Variants in OPCML observed in about 807,000 individuals in gnomAD.
OPCML encodes opioid binding protein/cell adhesion molecule like.
OPCML carries 13 observed loss-of-function variants against 37.8 expected under a neutral mutation model. The ratio of observed to expected loss-of-function variants is 0.34; its 90% CI spans 0.22 to 0.55. The LOEUF is 0.55. Ranked by LOEUF, OPCML falls within the 20% of genes least tolerant of loss-of-function variation. The pLI is 0.91. For missense variants in OPCML, 341 were observed against 435.6 expected (o/e 0.78, Z 1.93); for synonymous variants, 176 against 168.8 (o/e 1.04, Z -0.33).
chr11:133,408,495 A>C (rs1945571840), intron 1 of OPCML, among the ~76,000 whole-genome samples: 1 of 152,214 alleles, frequency 6.6e-6, no homozygotes, highest in Admixed American at 6.5e-5. Flanking sequence ...TTTATTTGAC[A>C]GTAATTTGTA....
At chr11:132,991,098 A>G (rs1379423718) in intron 1 of OPCML, among the ~76,000 whole-genome samples, 1 of 152,220 alleles carries the variant, frequency 6.6e-6, no homozygotes, top group African/African-American at 2.4e-5. Flanking sequence ...TTGCCATAAG[A>G]AAAATGTCTA....
chr11:133,063,169 G>T (rs1449170948), intron 1 of OPCML, among the ~76,000 whole-genome samples: 1 of 152,222 alleles, frequency 6.6e-6, no homozygotes, highest in Non-Finnish European at 1.5e-5. Flanking sequence ...CTTTCTAGGG[G>T]CTCCAGTCTA....
chr11:132,663,100 G>A (rs75458234), intron 2 of OPCML, among the ~76,000 whole-genome samples: 8 of 152,150 alleles, frequency 5.3e-5, no homozygotes, highest in East Asian at 1.9e-4. Context: ...TGTAATATAC[G>A]GATAATACCA....
chr11:132,453,266 C>T (rs570573979), intron 4 of OPCML, among the ~76,000 whole-genome samples: 274 of 152,292 alleles, frequency 1.8e-3, no homozygotes, highest in African/African-American at 6.3e-3. Context: ...GTTAGGAAAG[C>T]TGTACTACAT....
chr11:133,228,168 G>A (rs1940120791), intron 1 of OPCML, among the ~76,000 whole-genome samples: 1 of 152,088 alleles, frequency 6.6e-6, no homozygotes, highest in Admixed American at 6.5e-5. Flanking sequence ...CAGTTCTACC[G>A]TGGCTGCTGC....
chr11:133,019,455 T>C (rs1947408325), intron 1 of OPCML, among the ~76,000 whole-genome samples: 1 of 152,282 alleles, frequency 6.6e-6, no homozygotes, highest in South Asian at 2.1e-4. Context: ...CCACTTGATA[T>C]TTGAATCTAA....
intron 2 of OPCML, among the ~76,000 whole-genome samples, chr11:132,813,173 A>G (rs1167582176): frequency 6.6e-6 from 1 of 152,050 alleles, no homozygotes; most frequent in Non-Finnish European, 1.5e-5. Flanking sequence ...TTATATTTTG[A>G]TGATATCTTC....
At chr11:133,419,034 T>C (rs77305843) in intron 1 of OPCML, among the ~76,000 whole-genome samples, 1,813 of 152,270 alleles carry the variant, frequency 0.012, 33 homozygotes, top group African/African-American at 0.041. Flanking sequence ...AACACTCCTG[T>C]TCCCTAGCCC....
chr11:132,600,836 TA>T (rs1347757354), intron 3 of OPCML, among the ~76,000 whole-genome samples: 3 of 147,304 alleles, frequency 2.0e-5, no homozygotes, highest in Non-Finnish European at 4.5e-5. Flanking sequence ...TTCAAATAGT[TA>T]ACTTTTTTTT....
chr11:132,616,784 A>C (rs1295920899), intron 3 of OPCML, among the ~76,000 whole-genome samples: 2 of 152,244 alleles, frequency 1.3e-5, no homozygotes, highest in East Asian at 3.9e-4. Flanking sequence ...AGATAAAATA[A>C]TGTAAATCAT....
At chr11:132,947,984 C>CT (rs59552639) in intron 1 of OPCML, among the ~76,000 whole-genome samples, 1 of 152,166 alleles carries the variant, frequency 6.6e-6, no homozygotes, top group Non-Finnish European at 1.5e-5. Context: ...AAAGTTTCAG[C>CT]TTTTGGATTT....
At chr11:132,833,041 C>A (rs1377235393) in intron 2 of OPCML, among the ~76,000 whole-genome samples, 3 of 152,158 alleles carry the variant, frequency 2.0e-5, no homozygotes, top group East Asian at 3.9e-4. Flanking sequence ...CCAGTTAGTA[C>A]CGGGGACTTT....
chr11:133,370,081 A>C (rs2136748269), intron 1 of OPCML, among the ~76,000 whole-genome samples: 1 of 152,328 alleles, frequency 6.6e-6, no homozygotes, highest in East Asian at 1.9e-4. Flanking sequence ...ACTGAGACTC[A>C]TTACATCAGG....
At chr11:133,322,609 T>C (rs904343098) in intron 1 of OPCML, among the ~76,000 whole-genome samples, 4 of 152,046 alleles carry the variant, frequency 2.6e-5, no homozygotes, top group Admixed American at 2.6e-4. Context: ...AAAAAAAGAC[T>C]GGGTTTTAGG....
chr11:132,970,598 T>C (rs888976292), intron 1 of OPCML, among the ~76,000 whole-genome samples: 2 of 152,328 alleles, frequency 1.3e-5, no homozygotes, highest in African/African-American at 4.8e-5. Context: ...TTACTTTTTT[T>C]CCAGCTATGA....
intron 2 of OPCML, among the ~76,000 whole-genome samples, chr11:132,897,174 G>T (rs1943882441): frequency 6.6e-6 from 1 of 152,192 alleles, no homozygotes; most frequent in African/African-American, 2.4e-5. Context: ...ATGCTGTTTG[G>T]AGCTTTTGGC....
At chr11:132,460,943 T>A (rs550213560) in intron 4 of OPCML, among the ~76,000 whole-genome samples, 1 of 152,280 alleles carries the variant, frequency 6.6e-6, no homozygotes, top group East Asian at 1.9e-4. Context: ...ATATGATGGA[T>A]AAACAAAGCA....
intron 4 of OPCML, among the ~76,000 whole-genome samples, chr11:132,478,532 CA>C (rs1332433935): frequency 6.6e-6 from 1 of 152,104 alleles, no homozygotes; most frequent in Non-Finnish European, 1.5e-5. Context: ...TTGTTCTAAG[CA>C]AAAATCTAAC....
chr11:132,470,036 G>A (rs757436799), intron 4 of OPCML, among the ~76,000 whole-genome samples: 19 of 152,066 alleles, frequency 1.2e-4, no homozygotes, highest in Non-Finnish European at 2.1e-4. Context: ...TCCTGCAAGA[G>A]ATGTTTGAAT....
Sources: allele counts gnomAD v4.1 joint callset (sites outside exome capture counted in the v4.1 genomes callset), GRCh38; gene constraint gnomAD v4.1.1; transcripts MANE v1.5; gene names NCBI Gene and HGNC (gene_info 2026-07-23, HGNC 2026-07-21).